The following CNTN5 variants were observed in gnomAD, a reference collection of about 807,000 sequenced individuals.
CNTN5 encodes contactin 5.
Under a neutral mutation model 129.1 loss-of-function variants are expected in CNTN5, and 77 were observed. The observed-to-expected ratio is 0.60, with a 90% CI of 0.50 to 0.72. The LOEUF is 0.72. Among genes scored for constraint, CNTN5 ranks in the 30% least tolerant of loss-of-function variants. The probability of loss-of-function intolerance (pLI) is 0.00; values close to 1 mark genes in which losing one functional copy is unlikely to be tolerated. For synonymous variants in CNTN5, 509 were observed against 465.6 expected (o/e 1.09, Z -1.20); for missense variants, 1,478 against 1,328.8 (o/e 1.11, Z -1.75).
intron 13 of CNTN5, among the ~76,000 whole-genome samples, chr11:100,105,599 A>G (rs193099283): frequency 7.9e-5 from 12 of 152,320 alleles, no homozygotes; most frequent in African/African-American, 2.9e-4. Flanking sequence ...GACCACAAAC[A>G]TAGCACTTTT....
chr11:99,503,130 A>ATATATTTGCAGTTTGACAAATAT, intron 2 of CNTN5, among the ~76,000 whole-genome samples: 1 of 152,284 alleles, frequency 6.6e-6, no homozygotes, highest in Non-Finnish European at 1.5e-5. Context: ...GGTTCTTACT[A>ATATATTTGCAGTTTGACAAATAT]GGATTATACT....
intron 2 of CNTN5, among the ~76,000 whole-genome samples, chr11:99,540,425 A>G (rs753283499): frequency 1.3e-5 from 2 of 152,194 alleles, no homozygotes; most frequent in Non-Finnish European, 1.5e-5. Context: ...AAATGTAGAC[A>G]ACATATGGCA....
intron 3 of CNTN5, among the ~76,000 whole-genome samples, chr11:99,773,077 T>C (rs576697205): frequency 6.6e-6 from 1 of 152,062 alleles, no homozygotes; most frequent in East Asian, 1.9e-4. Flanking sequence ...GATTAGGAAA[T>C]GGAACATTAT....
chr11:99,697,505 A>ATGTGATT (rs1306493887), intron 3 of CNTN5, among the ~76,000 whole-genome samples: 3 of 151,806 alleles, frequency 2.0e-5, no homozygotes, highest in African/African-American at 7.2e-5. Flanking sequence ...TCTACAGAAA[A>ATGTGATT]TGTGATTAGT....
At chr11:99,239,662 G>A (rs536166499) in intron 1 of CNTN5, among the ~76,000 whole-genome samples, 5 of 152,130 alleles carry the variant, frequency 3.3e-5, no homozygotes, top group South Asian at 2.1e-4. Flanking sequence ...AAGGCCGGGC[G>A]CGGTGGCTCA....
At chr11:99,944,065 G>C (rs1016591602) in intron 7 of CNTN5, among the ~76,000 whole-genome samples, 3 of 149,812 alleles carry the variant, frequency 2.0e-5, no homozygotes, top group Non-Finnish European at 4.4e-5. Flanking sequence ...TTTTTTTCTA[G>C]CTCTTTGAAG....
intron 17 of CNTN5, among the ~76,000 whole-genome samples, chr11:100,266,872 T>C (rs1303405202): frequency 1.3e-5 from 2 of 152,150 alleles, no homozygotes; most frequent in African/African-American, 4.8e-5. Flanking sequence ...CTCTCATTCA[T>C]TTAATAAAAG....
At chr11:100,159,568 T>C (rs1353298611) in intron 13 of CNTN5, among the ~76,000 whole-genome samples, 1 of 151,946 alleles carries the variant, frequency 6.6e-6, no homozygotes, top group Non-Finnish European at 1.5e-5. Context: ...GTTTCTTTCA[T>C]GTGTATGTTC....
intron 3 of CNTN5, among the ~76,000 whole-genome samples, chr11:99,637,280 A>C (rs575446781): frequency 6.6e-6 from 1 of 152,220 alleles, no homozygotes; most frequent in East Asian, 1.9e-4. Flanking sequence ...AGCCATATAG[A>C]ATACCTTATA....
intron 2 of CNTN5, among the ~76,000 whole-genome samples, chr11:99,356,888 A>G (rs919840590): frequency 6.6e-6 from 1 of 152,330 alleles, no homozygotes; most frequent in Admixed American, 6.5e-5. Flanking sequence ...TTTAAAGATT[A>G]TCTTACCTTA....
intron 2 of CNTN5, among the ~76,000 whole-genome samples, chr11:99,462,360 C>CTTTTCTTT (rs1944738326): frequency 8.0e-6 from 1 of 125,282 alleles, no homozygotes; most frequent in African/African-American, 2.9e-5. Flanking sequence ...CTTTTCTTTT[C>CTTTTCTTT]TTTTTTTTTT....
In CNTN5 at chr11:100,271,086, C is replaced by G. The variant is rs1464970424; in HGVS notation, c.2165-6C>G. 4 of 1,591,562 alleles carry G rather than the reference C, an allele frequency of 2.5e-6. No homozygotes were observed. In the South Asian group the frequency reaches 4.6e-5, roughly 18 times the overall value. On this transcript the variant is annotated splice_region_variant and splice_polypyrimidine_tract_variant and intron_variant, in intron 17 of 24. Coordinates refer to ENST00000524871, the MANE Select transcript of CNTN5 (RefSeq NM_014361.4). The stretch of plus-strand genomic sequence containing the variant: ...TAATGACATGAAATTTCCTTCCTTT[C>G]TATAGTCCCAGAAATCATAACAGGG...
chr11:100,268,425 G>C (rs1225190999), intron 17 of CNTN5, among the ~76,000 whole-genome samples: 4 of 152,104 alleles, frequency 2.6e-5, no homozygotes, highest in African/African-American at 9.7e-5. Flanking sequence ...CCAGCCAAAG[G>C]CGGCAGAATG....
intron 8 of CNTN5, among the ~76,000 whole-genome samples, chr11:99,992,312 A>G (rs1282621380): frequency 2.0e-5 from 3 of 152,350 alleles, no homozygotes; most frequent in Middle Eastern, 6.8e-3. Flanking sequence ...GCCAATGAGG[A>G]AAAACACTCA....
chr11:99,086,278 CTG>C (rs1866002405), intron 1 of CNTN5, among the ~76,000 whole-genome samples: 1 of 152,192 alleles, frequency 6.6e-6, no homozygotes, highest in Admixed American at 6.5e-5. Context: ...ACTCAATAGA[CTG>C]TGATCTTTTA....
At chr11:100,274,482 G>A (rs1482457694) in intron 18 of CNTN5, among the ~76,000 whole-genome samples, 2 of 152,032 alleles carry the variant, frequency 1.3e-5, no homozygotes, top group African/African-American at 2.4e-5. Flanking sequence ...ATCTGATAAA[G>A]GTCTAATATC....
chr11:99,599,089 T>C (rs1375055416), intron 3 of CNTN5, among the ~76,000 whole-genome samples: 2 of 152,124 alleles, frequency 1.3e-5, no homozygotes, highest in Non-Finnish European at 2.9e-5. Flanking sequence ...AGATACATGG[T>C]TAATTGATTT....
chr11:99,022,707 A>G (rs1369075451), intron 1 of CNTN5, among the ~76,000 whole-genome samples: 2 of 152,160 alleles, frequency 1.3e-5, no homozygotes, highest in African/African-American at 4.8e-5. Flanking sequence ...TCAGAGTTAA[A>G]GTTATAAAAA....
At chr11:99,885,263 GA>G (rs1281097465) in intron 6 of CNTN5, among the ~76,000 whole-genome samples, 1 of 152,032 alleles carries the variant, frequency 6.6e-6, no homozygotes, top group Non-Finnish European at 1.5e-5. Flanking sequence ...GCCTGGGCAA[GA>G]GGGCAAGATC....
Sources: gnomAD v4.1 joint callset for allele counts (sites outside exome capture counted in the v4.1 genomes callset) on GRCh38, gnomAD v4.1.1 for gene constraint, MANE v1.5 for transcripts, NCBI Gene and HGNC (gene_info 2026-07-23, HGNC 2026-07-21) for gene names.